ZMAT4: variants seen among roughly 807,000 people sequenced by gnomAD.
ZMAT4 encodes zinc finger matrin-type 4, also known as zinc finger matrin-type protein 4.
A neutral mutation model predicts 28.7 loss-of-function variants in ZMAT4; 17 were observed. The ratio of observed to expected loss-of-function variants is 0.59; its 90% CI spans 0.41 to 0.89. The LOEUF (loss-of-function observed/expected upper bound fraction) is 0.89. ZMAT4 is among the 40% of genes least tolerant of loss of function. The pLI, the probability that ZMAT4 is intolerant of heterozygous loss-of-function variation, is 0.00. For missense variants in ZMAT4, 240 were observed against 283.8 expected (o/e 0.85, Z 1.11); for synonymous variants, 117 against 109.2 (o/e 1.07, Z -0.44).
intron 5 of ZMAT4, among the ~76,000 whole-genome samples, chr8:40,634,079 A>C (rs890734859): frequency 6.6e-6 from 1 of 152,212 alleles, no homozygotes; most frequent in Non-Finnish European, 1.5e-5. Context: ...ACATTTTTGA[A>C]GAAGTGGTTG....
At chr8:40,705,709 A>G (rs1810322253) in intron 3 of ZMAT4, among the ~76,000 whole-genome samples, 1 of 152,220 alleles carries the variant, frequency 6.6e-6, no homozygotes, top group Non-Finnish European at 1.5e-5. Context: ...TGCCTCACAT[A>G]GCAATAATTT....
At chr8:40,850,717 G>C (rs1322390577) in intron 1 of ZMAT4, among the ~76,000 whole-genome samples, 1 of 152,004 alleles carries the variant, frequency 6.6e-6, no homozygotes, top group African/African-American at 2.4e-5. Context: ...CACGTGGGGT[G>C]GGATTAAACT....
At chr8:40,696,051 G>A (rs1292513000) in intron 4 of ZMAT4, among the ~76,000 whole-genome samples, 4 of 152,044 alleles carry the variant, frequency 2.6e-5, no homozygotes, top group African/African-American at 9.7e-5. Flanking sequence ...ATTTAAGGGA[G>A]CAAGAATCAG....
intron 5 of ZMAT4, among the ~76,000 whole-genome samples, chr8:40,673,454 C>T (rs1465379104): frequency 2.0e-5 from 3 of 152,052 alleles, no homozygotes; most frequent in Non-Finnish European, 4.4e-5. Flanking sequence ...CTGAGGTTGC[C>T]GTCTCCAAAT....
rs749363248 is a variant in ZMAT4 at position 40,700,406 on chromosome 8, C to CTTTTTTTTTTTTTTTTT, written c.193-3006_193-3005insAAAAAAAAAAAAAAAAA. Among the ~76,000 whole-genome samples, 2 of 60,768 alleles carry CTTTTTTTTTTTTTTTTT rather than the reference C, an allele frequency of 3.3e-5. 1 individual carries two copies. 39.9% of individuals were successfully genotyped at this position (60,768 alleles called of 152,430 possible). ...TCACTTCCTTGAGGGGAAGCTGCTG[C>CTTTTTTTTTTTTTTTTT]TTTTCTTTTTTTTTTTTTTTTTTTT... is the stretch of plus-strand genomic sequence containing the variant. On this transcript the variant is annotated intron_variant, in intron 3 of 6. Transcript: ENST00000297737.
chr8:40,852,867 G>A (rs1356121533), intron 1 of ZMAT4, among the ~76,000 whole-genome samples: 1 of 152,052 alleles, frequency 6.6e-6, no homozygotes, highest in Admixed American at 6.5e-5. Context: ...TTTAAGATTT[G>A]GGAAGCTGTC....
intron 3 of ZMAT4, among the ~76,000 whole-genome samples, chr8:40,703,460 G>T (rs1810229873): frequency 6.6e-6 from 1 of 152,146 alleles, no homozygotes; most frequent in Admixed American, 6.5e-5. Flanking sequence ...CTAAATAAAA[G>T]AAGCCAATCC....
intron 5 of ZMAT4, among the ~76,000 whole-genome samples, chr8:40,647,759 A>T (rs918425281): frequency 3.3e-5 from 5 of 152,198 alleles, no homozygotes; most frequent in Admixed American, 6.5e-5. Flanking sequence ...CTCAAGTGGG[A>T]CCCTGACCCC....
chr8:40,637,114 A>AT lies in ZMAT4; in HGVS notation c.577+37589dup, dbSNP rs1806822785. The stretch of plus-strand genomic sequence containing the variant: ...ATTTTAAAAAAAAAAAAACTCTGTG[A>AT]TTCCCATTCCCATGTGGGCACACAG... On this transcript the variant is annotated intron_variant, in intron 5 of 6. Transcript: ENST00000297737. Among the ~76,000 whole-genome samples, 3 of 151,738 alleles carry AT rather than the reference A, an allele frequency of 2.0e-5. No individual in the cohort carries two copies. The South Asian group carries it at 6.2e-4, about 32-fold the overall frequency.
intron 3 of ZMAT4, among the ~76,000 whole-genome samples, chr8:40,708,492 G>A (rs1427960842): frequency 1.3e-5 from 2 of 151,918 alleles, no homozygotes; most frequent in Non-Finnish European, 2.9e-5. Flanking sequence ...GGGGGAGAGT[G>A]GAGCTAATAC....
Position 40,650,552 on chromosome 8 carries a change from G to A in ZMAT4, c.577+24152C>T, listed in dbSNP as rs1312972411. On this transcript the variant is annotated intron_variant, in intron 5 of 6. Transcript: ENST00000297737. ...AATTATTCCAATCAATAGAAAAAGA[G>A]GGAATCCTCCCTAACTCATTTTATG... Among the ~76,000 whole-genome samples, 4 of 134,306 alleles carry A rather than the reference G, an allele frequency of 3.0e-5. No homozygotes were observed. In the Admixed American group the frequency reaches 3.1e-4, roughly 10 times the overall value. 88.1% of individuals were successfully genotyped at this position (134,306 alleles called of 152,430 possible). A position where few individuals can be genotyped will look rare whatever the true frequency, so the allele number is the denominator to read the frequency against.
intron 5 of ZMAT4, among the ~76,000 whole-genome samples, chr8:40,663,052 T>A (rs541380579): frequency 6.6e-6 from 1 of 152,146 alleles, no homozygotes; most frequent in Non-Finnish European, 1.5e-5. Context: ...CAAAAACACA[T>A]CAGTGGCCAC....
intron 1 of ZMAT4, among the ~76,000 whole-genome samples, chr8:40,832,730 G>A (rs1353550860): frequency 6.6e-6 from 1 of 152,212 alleles, no homozygotes; most frequent in African/African-American, 2.4e-5. Flanking sequence ...ATGTGAAACA[G>A]ACAGGAGGCC....
intron 2 of ZMAT4, among the ~76,000 whole-genome samples, chr8:40,773,784 C>T (rs1349993011): frequency 6.6e-6 from 1 of 151,608 alleles, no homozygotes. Context: ...GCAGAATCAA[C>T]ACAGGAGATC....
intron 1 of ZMAT4, among the ~76,000 whole-genome samples, chr8:40,846,613 C>T (rs1816909008): frequency 6.6e-6 from 1 of 152,216 alleles, no homozygotes; most frequent in Non-Finnish European, 1.5e-5. Context: ...ACCTCACTCC[C>T]CCTTGGCGTC....
chr8:40,658,293 C>T (rs565200917), intron 5 of ZMAT4, among the ~76,000 whole-genome samples: 1 of 152,216 alleles, frequency 6.6e-6, no homozygotes, highest in Admixed American at 6.5e-5. Context: ...CCTAGTTCCT[C>T]CTATGCATAT....
chr8:40,811,380 G>C (rs1157965537), intron 2 of ZMAT4, among the ~76,000 whole-genome samples: 1 of 152,160 alleles, frequency 6.6e-6, no homozygotes, highest in Non-Finnish European at 1.5e-5. Flanking sequence ...ACAATTAAAG[G>C]CATCCTCCGG....
chr8:40,773,375 A>C (rs911578552), intron 2 of ZMAT4, among the ~76,000 whole-genome samples: 1 of 152,236 alleles, frequency 6.6e-6, no homozygotes, highest in African/African-American at 2.4e-5. Context: ...ACTGAGTCCT[A>C]GTGCTAAAAT....
At chr8:40,697,113 C>G (rs961670454) in intron 4 of ZMAT4, 132 bp downstream of exon 4, 1 of 1,126,818 alleles carries the variant, frequency 8.9e-7, no homozygotes. Context: ...CCACTCATCC[C>G]TTTAGGCTTT....
Sources: allele counts gnomAD v4.1 joint callset (sites outside exome capture counted in the v4.1 genomes callset), GRCh38; gene constraint gnomAD v4.1.1; transcripts MANE v1.5; gene names NCBI Gene and HGNC (gene_info 2026-07-23, HGNC 2026-07-21).